The following RNF216 variants were observed in gnomAD, a reference collection of about 807,000 sequenced individuals.
RNF216 encodes the protein ring finger protein 216, also known as E3 ubiquitin-protein ligase RNF216.
In RNF216, 72 loss-of-function variants were observed where a neutral mutation model predicts 110.8. The ratio of observed to expected loss-of-function variants is 0.65; its 90% CI spans 0.54 to 0.79. The LOEUF is 0.79. Ranked by LOEUF, RNF216 falls within the 30% of genes least tolerant of loss-of-function variation. RNF216 has a pLI of 0.00. For missense variants in RNF216, 1,342 were observed against 1,141.2 expected, an observed-to-expected ratio of 1.18 and a Z score of -2.54; for synonymous variants, 495 against 407.5, an observed-to-expected ratio of 1.21 and a Z score of -2.59.
intron 5 of RNF216, chr7:5,733,255 C>T (rs1016548937): frequency 9.9e-5 from 15 of 152,258 alleles, no homozygotes; most frequent in Admixed American, 9.8e-4. Context: ...CATTCCCTTG[C>T]TTTTTGGATT....
chr7:5,708,161 T>A (rs771989048), intron 13 of RNF216, among the ~76,000 whole-genome samples: 15 of 152,250 alleles, frequency 9.9e-5, no homozygotes, highest in Non-Finnish European at 1.9e-4. Flanking sequence ...GATCTAATAT[T>A]CTCCATCCTG....
At chr7:5,649,276 C>T (rs1360320888) in intron 14 of RNF216, among the ~76,000 whole-genome samples, 1 of 151,978 alleles carries the variant, frequency 6.6e-6, no homozygotes, top group Non-Finnish European at 1.5e-5. Flanking sequence ...CCTGTAATCC[C>T]AGCTACTCGG....
intron 14 of RNF216, among the ~76,000 whole-genome samples, chr7:5,644,679 A>T (rs1345290192): frequency 2.0e-5 from 3 of 151,644 alleles, no homozygotes; most frequent in Non-Finnish European, 1.5e-5. Context: ...TAATTTTTAA[A>T]TTTTTTGTAG....
chr7:5,653,381 G>A (rs1263701348), intron 13 of RNF216, among the ~76,000 whole-genome samples: 1 of 151,958 alleles, frequency 6.6e-6, no homozygotes, highest in South Asian at 2.1e-4. Flanking sequence ...ACGAGGTCAT[G>A]AGGTCAGGAG....
At chr7:5,626,829 A>G (rs1786737970) in intron 15 of RNF216, among the ~76,000 whole-genome samples, 1 of 152,202 alleles carries the variant, frequency 6.6e-6, no homozygotes. Flanking sequence ...GGACTGAATG[A>G]GCTCAAGTAT....
chr7:5,641,338 T>C lies in RNF216; in HGVS notation c.2198A>G (p.His733Arg). Residue 733 changes from histidine (H) to arginine (R), a missense_variant, in exon 15 of 17, where the codon CAC (histidine) becomes CGC (arginine). By Grantham distance (29) the His-to-Arg change is conservative. Transcript: ENST00000389902. Reference sequence around the variant, plus strand: ...TTTGATGAGGCCAGTCCCACACTTGTGGCATTTTCTAATGCGGGCAGCAGT... The same window carrying C: ...TTTGATGAGGCCAGTCCCACACTTGCGGCATTTTCTAATGCGGGCAGCAGT... ...KMTAARIRKC[H>R]KCGTGLIKSE... 1.2e-6 allele frequency: 2 copies of C among 1,614,168 alleles called. No individual in the cohort carries two copies. The highest frequency in any genetic ancestry group is 8.5e-7 in the Non-Finnish European group (1 of 1,180,020).
chr7:5,780,745 C>T (rs1797037972), intron 1 of RNF216, among the ~76,000 whole-genome samples: 1 of 152,120 alleles, frequency 6.6e-6, no homozygotes, highest in African/African-American at 2.4e-5. Context: ...GAAAAAAGAA[C>T]GTTCTCTTTG....
At chr7:5,772,664 A>G (rs1463829441) in intron 1 of RNF216, among the ~76,000 whole-genome samples, 1 of 152,220 alleles carries the variant, frequency 6.6e-6, no homozygotes, top group Non-Finnish European at 1.5e-5. Context: ...CATTTTCTCA[A>G]CTTATAGAAT....
At chr7:5,668,913 T>C (rs1045009767) in intron 13 of RNF216, among the ~76,000 whole-genome samples, 4 of 152,220 alleles carry the variant, frequency 2.6e-5, no homozygotes, top group East Asian at 1.9e-4. Flanking sequence ...CTGATGCCTC[T>C]AGATGTGACT....
At chr7:5,758,741 C>G (rs1795776018) in intron 2 of RNF216, among the ~76,000 whole-genome samples, 1 of 152,108 alleles carries the variant, frequency 6.6e-6, no homozygotes, top group Non-Finnish European at 1.5e-5. Flanking sequence ...CCCATAGTAT[C>G]TTGGGAATAA....
chr7:5,639,947 G>A (rs1214102670), intron 15 of RNF216, among the ~76,000 whole-genome samples: 1 of 151,680 alleles, frequency 6.6e-6, no homozygotes, highest in Non-Finnish European at 1.5e-5. Context: ...TTTTAGTAGA[G>A]ACGGGGTTTC....
intron 13 of RNF216, among the ~76,000 whole-genome samples, chr7:5,701,589 GA>G (rs1554254567): frequency 6.6e-6 from 1 of 152,228 alleles, no homozygotes; most frequent in Non-Finnish European, 1.5e-5. Flanking sequence ...ACACGGAAAG[GA>G]AATGTGGCTT....
chr7:5,745,954 T>A (rs1438419295), intron 3 of RNF216, among the ~76,000 whole-genome samples: 1 of 151,412 alleles, frequency 6.6e-6, no homozygotes, highest in Non-Finnish European at 1.5e-5. Context: ...AATGAAGCAT[T>A]GCCTGATGCT....
intron 7 of RNF216, among the ~76,000 whole-genome samples, chr7:5,728,358 T>C (rs1793884744): frequency 6.6e-6 from 1 of 152,008 alleles, no homozygotes; most frequent in South Asian, 2.1e-4. Flanking sequence ...GGTGGGCAGA[T>C]CATCTGAGGT....
At chr7:5,643,227 T>TTC (rs1162826011) in intron 14 of RNF216, among the ~76,000 whole-genome samples, 2 of 152,162 alleles carry the variant, frequency 1.3e-5, no homozygotes, top group Admixed American at 6.5e-5. Context: ...AGTCCTTTGC[T>TTC]TCTGCATTTG....
intron 13 of RNF216, among the ~76,000 whole-genome samples, chr7:5,653,672 A>G (rs1018767163): frequency 6.6e-6 from 1 of 152,132 alleles, no homozygotes; most frequent in Non-Finnish European, 1.5e-5. Flanking sequence ...TTAAATGGAA[A>G]TTATAACCCT....
At chr7:5,773,693 T>A (rs1796621276) in intron 1 of RNF216, among the ~76,000 whole-genome samples, 1 of 151,880 alleles carries the variant, frequency 6.6e-6, no homozygotes, top group Non-Finnish European at 1.5e-5. Context: ...TCAGCCTCCC[T>A]GAGTAGCTGG....
At chr7:5,707,335 A>G (rs1020288650) in intron 13 of RNF216, among the ~76,000 whole-genome samples, 2 of 152,154 alleles carry the variant, frequency 1.3e-5, no homozygotes, top group Admixed American at 6.5e-5. Context: ...TTTTCAGTGT[A>G]TAAGTCTTTA....
At chr7:5,747,784 A>T (rs1795111289) in intron 3 of RNF216, among the ~76,000 whole-genome samples, 1 of 151,058 alleles carries the variant, frequency 6.6e-6, no homozygotes, top group African/African-American at 2.4e-5. Flanking sequence ...AAGGGGAAAA[A>T]AAAAGAAAAA....
Sources: gnomAD v4.1 joint callset for allele counts (sites outside exome capture counted in the v4.1 genomes callset) on GRCh38, gnomAD v4.1.1 for gene constraint, MANE v1.5 for transcripts, NCBI Gene and HGNC (gene_info 2026-07-23, HGNC 2026-07-21) for gene names.